Variants in ZNF226 observed in about 807,000 individuals in gnomAD.
ZNF226 encodes the protein Kruppel-associated box protein.
Under a neutral mutation model 11.4 loss-of-function variants are expected in ZNF226, and 6 were observed. The ratio of observed to expected loss-of-function variants is 0.53; its 90% CI spans 0.29 to 1.04. The LOEUF (loss-of-function observed/expected upper bound fraction) is 1.04, where lower values mean the gene tolerates loss of function less well. ZNF226 is among the 50% of genes least tolerant of loss of function. The pLI is 0.08. For missense variants in ZNF226, 1,058 were observed against 956.5 expected, an observed-to-expected ratio of 1.11 and a Z score of -1.40; for synonymous variants, 350 against 322.8, an observed-to-expected ratio of 1.08 and a Z score of -0.90.
At position 44,176,118 on chromosome 19, in the gene ZNF226, G is replaced by A. The variant is rs770016930; in HGVS notation, c.856G>A (p.Gly286Arg). 15 of 1,614,142 alleles carry A rather than the reference G, an allele frequency of 9.3e-6. No individual in the cohort carries two copies. The highest frequency in any genetic ancestry group is 1.1e-5 in the Non-Finnish European group (13 of 1,180,020). Reference sequence around the variant, plus strand: ...GAAGTCTCTTACATGTGTTGAGCGTGGAAAAGGCTTCTGTTACAGCCCAGT... The same window carrying A: ...GAAGTCTCTTACATGTGTTGAGCGTAGAAAAGGCTTCTGTTACAGCCCAGT... Reference protein sequence around the residue: ...GEKSLTCVERGKGFCYSPVLP... With the variant: ...GEKSLTCVERRKGFCYSPVLP... Residue 286 changes from glycine to arginine, a missense_variant, in exon 6 of 6, where the codon GGA (glycine) becomes AGA (arginine). Gly to Arg is a moderately radical substitution (Grantham distance 125). Transcript: ENST00000337433.
chr19:44,182,596 A>C (rs1377154861), downstream of ZNF226, among the ~76,000 whole-genome samples: 1 of 152,190 alleles, frequency 6.6e-6, no homozygotes, highest in African/African-American at 2.4e-5. Context: ...TGAGAAGTTC[A>C]TTGGCGAGAG....
chr19:44,172,792 A>G (rs1314439961), intron 4 of ZNF226, 68 bp from the exon 5 acceptor site: 2 of 1,323,352 alleles, frequency 1.5e-6, no homozygotes, highest in African/African-American at 3.0e-5. Context: ...TGCAGTTGCA[A>G]CTCAGATTTC....
downstream of ZNF226, among the ~76,000 whole-genome samples, chr19:44,183,165 T>C (rs1970933138): frequency 6.6e-6 from 1 of 152,142 alleles, no homozygotes; most frequent in South Asian, 2.1e-4. Flanking sequence ...TATGGAGGGA[T>C]TGATTACTGG....
In ZNF226 at chr19:44,177,051, A is replaced by T. The variant is rs1291426750; in HGVS notation, c.1789A>T (p.Ser597Cys). 3 of 1,614,044 alleles carry T rather than the reference A, an allele frequency of 1.9e-6. No homozygotes were observed. In the Admixed American group the frequency reaches 5.0e-5, roughly 27 times the overall value. Residue 597 changes from serine to cysteine, a missense_variant, in exon 6 of 6, where the codon AGT (serine) becomes TGT (cysteine). Transcript: ENST00000337433. ...YKCEECGKGFSRRADLKIHCR... is the reference protein window; with the variant it reads ...YKCEECGKGFCRRADLKIHCR... Reference sequence around the variant, plus strand: ...ATGTGAAGAGTGTGGCAAGGGATTTAGTCGTAGAGCAGATCTTAAAATTCA... The same window carrying T: ...ATGTGAAGAGTGTGGCAAGGGATTTTGTCGTAGAGCAGATCTTAAAATTCA...
chr19:44,182,131 T>A (rs1970914600), downstream of ZNF226, among the ~76,000 whole-genome samples: 3 of 152,194 alleles, frequency 2.0e-5, no homozygotes, highest in Admixed American at 2.0e-4. Context: ...AACAGTTTTC[T>A]CAGTTGTATG....
At position 44,176,450 on chromosome 19, in the gene ZNF226, T is replaced by C. The variant is rs756234151; in HGVS notation, c.1188T>C (p.Cys396=). 3 of 1,614,022 alleles carry C rather than the reference T, an allele frequency of 1.9e-6. No homozygotes were observed. Among genetic ancestry groups the C allele is most frequent in the Non-Finnish European group, 2.5e-6 (3 of 1,179,990 alleles). ...TGEKPFKCDA[C]GKSFSRNSHL... ...AGAAGCCATTCAAATGTGATGCATG[T>C]GGTAAGAGCTTCAGTCGGAATTCAC... The change falls in exon 6 of 6, where the codon TGT becomes TGC. Residue 396 remains cysteine, a synonymous_variant. Coordinates refer to ENST00000337433, the MANE Select transcript of ZNF226 (RefSeq NM_001032373.2).
At chr19:44,185,177 A>G in the ZNF226 span, among the ~76,000 whole-genome samples, 1 of 152,214 alleles carries the variant, frequency 6.6e-6, no homozygotes, top group Non-Finnish European at 1.5e-5. Flanking sequence ...GTCAATGGAC[A>G]GTTGGATTGC....
downstream of ZNF226, among the ~76,000 whole-genome samples, chr19:44,182,356 T>TATAC (rs1555785643): frequency 1.3e-5 from 2 of 151,156 alleles, no homozygotes; most frequent in African/African-American, 4.9e-5. Context: ...CGCGCGTGCA[T>TATAC]ACACACACAC....
rs562581410 is a variant in ZNF226 at position 44,172,769 on chromosome 19, A to G, written c.143-91A>G. The G allele has an allele frequency of 3.3e-4, 323 of 984,716 alleles. 1 individual carries two copies. In the African/African-American group the frequency reaches 4.8e-3, roughly 15 times the overall value. The allele number at this position is 984,716 out of a possible 1,614,324, so 61.0% of individuals were successfully genotyped here. The stretch of plus-strand genomic sequence containing the variant: ...TAAAAGTTTGAAAAACACTGCTTTC[A>G]GTGTCTTGAATGTGCAGTTGCAACT... On this transcript the variant is annotated intron_variant, in intron 4 of 5. Transcript: ENST00000337433.
downstream of ZNF226, among the ~76,000 whole-genome samples, chr19:44,183,208 A>G (rs999264721): frequency 1.3e-5 from 2 of 152,108 alleles, no homozygotes; most frequent in African/African-American, 2.4e-5. Flanking sequence ...AACTCTGAGA[A>G]CCCTAAAATG....
At position 44,177,581 on chromosome 19, in the gene ZNF226, TCAC is replaced by T. The variant is rs1970817682; in HGVS notation, c.2320_2322del (p.His774del). ...GTTGGCGATCAAATCTTACAGTTCA[TCAC>T]AGAATCCATGTTGGTGATAAATCCT... On this transcript the variant is annotated inframe_deletion, in exon 6 of 6. Coordinates refer to ENST00000337433, the MANE Select transcript of ZNF226 (RefSeq NM_001032373.2). 6.2e-7 allele frequency: 1 copy of T among 1,614,008 alleles called. No homozygotes were observed. The highest frequency in any genetic ancestry group is 1.7e-5 in the Admixed American group (1 of 60,020).
rs1206197925 is a variant in ZNF226 at position 44,176,443 on chromosome 19, A to T, written c.1181A>T (p.Asp394Val). ...LHTGEKPFKC[D>V]ACGKSFSRNS... ...ACTGGGGAGAAGCCATTCAAATGTG[A>T]TGCATGTGGTAAGAGCTTCAGTCGG... Residue 394 changes from aspartate (D) to valine (V), a missense_variant, in exon 6 of 6, where the codon GAT (aspartate) becomes GTT (valine). Physicochemically the swap from Asp to Val is radical, Grantham distance 152. Transcript: ENST00000337433. 5 of 1,614,120 alleles carry T rather than the reference A, an allele frequency of 3.1e-6. No individual in the cohort carries two copies. The South Asian group carries it at 5.5e-5, about 18-fold the overall frequency.
chr19:44,173,234 C>CA (rs1780538145), intron 5 of ZNF226: 6 of 524,520 alleles, frequency 1.1e-5, no homozygotes, highest in Non-Finnish European at 1.7e-5. Flanking sequence ...ATGTGGCTGA[C>CA]AGAGTCTTAC....
At chr19:44,173,975 G>A (rs1970417074) in intron 5 of ZNF226, 1 of 152,278 alleles carries the variant, frequency 6.6e-6, no homozygotes, top group Middle Eastern at 3.4e-3. Flanking sequence ...AATAGTCCTA[G>A]TATATGGCAG....
the ZNF226 span, among the ~76,000 whole-genome samples, chr19:44,197,514 A>G: frequency 6.6e-6 from 1 of 152,246 alleles, no homozygotes; most frequent in African/African-American, 2.4e-5. Flanking sequence ...GTCAAAAGAT[A>G]TAACATGTCA....
At chr19:44,191,763 A>G in the ZNF226 span, among the ~76,000 whole-genome samples, 13 of 151,932 alleles carry the variant, frequency 8.6e-5, no homozygotes, top group South Asian at 2.7e-3. Context: ...CATTACATGG[A>G]TTAAAAAAAA....
At chr19:44,191,999 A>G in the ZNF226 span, among the ~76,000 whole-genome samples, 2 of 152,246 alleles carry the variant, frequency 1.3e-5, no homozygotes, top group East Asian at 3.8e-4. Flanking sequence ...CTTGAATTCA[A>G]CTAAACACTG....
chr19:44,185,622 T>C, the ZNF226 span, among the ~76,000 whole-genome samples: 1 of 152,148 alleles, frequency 6.6e-6, no homozygotes, highest in Non-Finnish European at 1.5e-5. Flanking sequence ...TTGTTGTTGT[T>C]ATAGAGTTGT....
chr19:44,178,725 A>G (rs1970858976), downstream of ZNF226, among the ~76,000 whole-genome samples: 1 of 152,214 alleles, frequency 6.6e-6, no homozygotes, highest in South Asian at 2.1e-4. Context: ...AATTCATAGA[A>G]TAGGAATTTT....
Sources: gnomAD v4.1 joint callset for allele counts (sites outside exome capture counted in the v4.1 genomes callset) on GRCh38, gnomAD v4.1.1 for gene constraint, MANE v1.5 for transcripts, NCBI Gene and HGNC (gene_info 2026-07-23, HGNC 2026-07-21) for gene names.